Variants in SOAT1 observed in about 807,000 individuals in gnomAD.
SOAT1 encodes the protein sterol O-acyltransferase 1, also known as acyl-coenzyme A:cholesterol acyltransferase 1.
A neutral mutation model predicts 69.5 loss-of-function variants in SOAT1; 55 were observed. The observed-to-expected ratio is 0.79, with a 90% CI of 0.64 to 0.99. The LOEUF is 0.99. SOAT1 is among the 50% of genes least tolerant of loss of function. The pLI is 0.00. For missense variants in SOAT1, 580 were observed against 669.3 expected, an observed-to-expected ratio of 0.87 and a Z score of 1.47; for synonymous variants, 231 against 224.7, an observed-to-expected ratio of 1.03 and a Z score of -0.25.
chr1:179,328,000 G>A (rs1665847842), intron 3 of SOAT1, among the ~76,000 whole-genome samples: 1 of 152,204 alleles, frequency 6.6e-6, no homozygotes, highest in African/African-American at 2.4e-5. Flanking sequence ...TTAGAATTGT[G>A]TTGTAACAAG....
chr1:179,319,245 A>G (rs1665508141), intron 2 of SOAT1, among the ~76,000 whole-genome samples: 2 of 149,024 alleles, frequency 1.3e-5, no homozygotes, highest in East Asian at 3.9e-4. Flanking sequence ...TTTTAAAAGA[A>G]ATATCTGTTC....
At chr1:179,321,205 C>T (rs1665589229) in intron 2 of SOAT1, among the ~76,000 whole-genome samples, 2 of 152,132 alleles carry the variant, frequency 1.3e-5, no homozygotes, top group African/African-American at 4.8e-5. Context: ...CACGCCCAGC[C>T]ATGAACTCAC....
At position 179,302,697 on chromosome 1, in the gene SOAT1, GAGA is replaced by G; in HGVS notation, c.17_19del (p.Lys6del). The G allele has an allele frequency of 1.3e-6, 2 of 1,599,334 alleles. No homozygotes were observed. The highest frequency in any genetic ancestry group is 1.1e-5 in the South Asian group (1 of 88,386). On this transcript the variant is annotated inframe_deletion, in exon 2 of 16. Coordinates refer to ENST00000367619, the MANE Select transcript of SOAT1 (RefSeq NM_003101.6). ...CCTAGACAATACAATGGTGGGTGAA[GAGA>G]AGATGTCTCTAAGAAACCGGCTGTC...
intron 11 of SOAT1, among the ~76,000 whole-genome samples, chr1:179,345,780 G>T (rs1571454404): frequency 1.3e-5 from 2 of 152,100 alleles, no homozygotes; most frequent in East Asian, 3.9e-4. Context: ...AAACTCCTGG[G>T]CTCAAGTTAT....
At chr1:179,309,013 A>G (rs1243322464) in intron 2 of SOAT1, among the ~76,000 whole-genome samples, 1 of 152,222 alleles carries the variant, frequency 6.6e-6, no homozygotes, top group Non-Finnish European at 1.5e-5. Flanking sequence ...CCAAAGTTGC[A>G]GTATTACAAG....
In SOAT1 at chr1:179,323,045, C is replaced by CTTTT. The variant is rs36045111; in HGVS notation, c.119-379_119-376dup. Among the ~76,000 whole-genome samples, 108 of 126,726 alleles carry CTTTT rather than the reference C, an allele frequency of 8.5e-4. 1 individual carries two copies. The highest frequency in any genetic ancestry group is 1.6e-3 in the African/African-American group (54 of 33,852). 83.1% of individuals were successfully genotyped at this position (126,726 alleles called of 152,430 possible). ...AGTTTCATTTTCTTTTCTTTTCTTT[C>CTTTT]TTTTTTTTTTTTTTTTGCCTCTGAA... On this transcript the variant is annotated intron_variant, in intron 2 of 15. Transcript: ENST00000367619.
At chr1:179,333,603 G>A (rs1270007601) in intron 3 of SOAT1, among the ~76,000 whole-genome samples, 1 of 152,088 alleles carries the variant, frequency 6.6e-6, no homozygotes, top group Non-Finnish European at 1.5e-5. Flanking sequence ...CACTTTGGGA[G>A]GCCGAGGCGG....
chr1:179,353,494 C>G, intron 15 of SOAT1, 91 bp from the exon 16 acceptor site: 1 of 1,099,726 alleles, frequency 9.1e-7, no homozygotes, highest in South Asian at 1.3e-5. Flanking sequence ...TAGAGATGTA[C>G]AATGTATCAT....
chr1:179,305,120 T>A (rs1484976673), intron 2 of SOAT1, among the ~76,000 whole-genome samples: 1 of 152,226 alleles, frequency 6.6e-6, no homozygotes, highest in Admixed American at 6.5e-5. Flanking sequence ...TCTTAGCCTC[T>A]AGCAACCACT....
intron 1 of SOAT1, among the ~76,000 whole-genome samples, 191 bp downstream of exon 1, chr1:179,294,127 G>T (rs1268332103): frequency 2.0e-5 from 3 of 152,242 alleles, no homozygotes; most frequent in Non-Finnish European, 4.4e-5. Flanking sequence ...ACCGTCAGGC[G>T]CCCGGGTCAC....
chr1:179,335,726 C>T lies in SOAT1; in HGVS notation c.329+69C>T, dbSNP rs115434755. 1.4e-3 allele frequency: 1,973 copies of T among 1,425,576 alleles called. 3 individuals carry two copies. Among genetic ancestry groups the T allele is most frequent in the Non-Finnish European group, 1.7e-3 (1,787 of 1,056,716 alleles). The allele number at this position is 1,425,576 out of a possible 1,614,324, so 88.3% of individuals were successfully genotyped here. ...ATAGTTCAATGGTGAAAATGGACTG[C>T]GGCAAATATGCTTGAGTTCACACCC... On this transcript the variant is annotated intron_variant, in intron 4 of 15. Transcript: ENST00000367619.
intron 2 of SOAT1, among the ~76,000 whole-genome samples, chr1:179,307,576 T>A (rs1665050193): frequency 6.7e-6 from 1 of 150,270 alleles, no homozygotes; most frequent in South Asian, 2.1e-4. Flanking sequence ...TAAAAAAAAA[T>A]GGTCTTAACT....
At chr1:179,348,792 GTGTGTGTGTGTGTGTGTGTGTGTA>G (rs1472454345) in intron 12 of SOAT1, 28 bp from the exon 13 acceptor site, 3 of 381,056 alleles carry the variant, frequency 7.9e-6, no homozygotes, top group East Asian at 1.5e-4. Context: ...GTGTGTGTGT[GTGTGTGTGTGTGTGTGTGTGTGTA>G]GTTTTATACC....
chr1:179,337,719 A>G, intron 4 of SOAT1, 118 bp from the exon 5 acceptor site: 1 of 631,130 alleles, frequency 1.6e-6, no homozygotes, highest in Non-Finnish European at 2.7e-6. Flanking sequence ...TAGTAGTGAA[A>G]AGGTCATTGG....
chr1:179,320,267 C>G (rs138122316), intron 2 of SOAT1, among the ~76,000 whole-genome samples: 1 of 152,012 alleles, frequency 6.6e-6, no homozygotes, highest in East Asian at 1.9e-4. Context: ...TCAGTTGTCC[C>G]AGCTCCATTT....
At position 179,302,692 on chromosome 1, in the gene SOAT1, G is replaced by C. The variant is rs765009104; in HGVS notation, c.8G>C (p.Gly3Ala). Residue 3 changes from glycine (G) to alanine (A), a missense_variant, in exon 2 of 16, where the codon GGT becomes GCT. Physicochemically the swap from Gly to Ala is moderately conservative, Grantham distance 60. Transcript: ENST00000367619. ...TCTTTCCTAGACAATACAATGGTGG[G>C]TGAAGAGAAGATGTCTCTAAGAAAC... Reference protein sequence around the residue: MVGEEKMSLRNRL... With the variant: MVAEEKMSLRNRL... 6.3e-7 allele frequency: 1 copy of C among 1,596,682 alleles called. No homozygotes were observed. The highest frequency in any genetic ancestry group is 1.4e-5 in the African/African-American group (1 of 73,588).
chr1:179,340,961 A>G (rs910814317), intron 6 of SOAT1, 67 bp from the exon 7 acceptor site: 87 of 1,469,544 alleles, frequency 5.9e-5, no homozygotes, highest in Non-Finnish European at 7.3e-5. Context: ...AAACTTTTAA[A>G]TTCTGTGAAC....
chr1:179,297,172 A>G (rs1280074651), intron 1 of SOAT1, among the ~76,000 whole-genome samples: 2 of 152,138 alleles, frequency 1.3e-5, no homozygotes, highest in Non-Finnish European at 2.9e-5. Flanking sequence ...AGATTCCTTC[A>G]CTGCTAGACC....
chr1:179,352,697 C>G (rs1014461264), intron 15 of SOAT1, among the ~76,000 whole-genome samples: 1 of 152,116 alleles, frequency 6.6e-6, no homozygotes, highest in African/African-American at 2.4e-5. Context: ...TGATTTATTT[C>G]CTGGGTATTT....
Sources: allele counts gnomAD v4.1 joint callset (sites outside exome capture counted in the v4.1 genomes callset), GRCh38; gene constraint gnomAD v4.1.1; transcripts MANE v1.5; gene names NCBI Gene and HGNC (gene_info 2026-07-23, HGNC 2026-07-21).